Variants in SLA observed in about 807,000 individuals in gnomAD.
The protein encoded by SLA is Src like adaptor.
SLA carries 16 observed loss-of-function variants against 30.3 expected under a neutral mutation model. That is an observed-to-expected ratio of 0.53 (90% CI 0.36 to 0.80). The LOEUF (loss-of-function observed/expected upper bound fraction) is 0.80. Ranked by LOEUF, SLA falls within the 30% of genes least tolerant of loss-of-function variation. The pLI is 0.01. For synonymous variants in SLA, 143 were observed against 137.8 expected (o/e 1.04, Z -0.26); for missense variants, 310 against 345.2 (o/e 0.90, Z 0.81).
At chr8:133,098,083 T>G (rs1848701955) in intron 1 of SLA, among the ~76,000 whole-genome samples, 1 of 152,134 alleles carries the variant, frequency 6.6e-6, no homozygotes, top group Admixed American at 6.5e-5. Flanking sequence ...TGCCAAGCAC[T>G]CACATACAGC....
intron 7 of SLA, among the ~76,000 whole-genome samples, chr8:133,041,435 A>G (rs1010100868): frequency 6.6e-6 from 1 of 152,248 alleles, no homozygotes; most frequent in African/African-American, 2.4e-5. Flanking sequence ...CCACCCACAC[A>G]GGTGCCCTTG....
chr8:133,049,726 A>C, intron 5 of SLA, 176 bp downstream of exon 5: 13 of 604,230 alleles, frequency 2.2e-5, no homozygotes, highest in Middle Eastern at 3.2e-4. Flanking sequence ...AGAGAGCAGA[A>C]GAGATAAGTT....
intron 7 of SLA, among the ~76,000 whole-genome samples, chr8:133,041,208 C>T (rs1419469031): frequency 6.6e-6 from 1 of 152,242 alleles, no homozygotes. Context: ...CACCCCTGGC[C>T]TCAGAGCCAA....
At chr8:133,098,777 G>C (rs1463557867) in intron 1 of SLA, among the ~76,000 whole-genome samples, 1 of 152,134 alleles carries the variant, frequency 6.6e-6, no homozygotes, top group Non-Finnish European at 1.5e-5. Flanking sequence ...TGTTCTTGTT[G>C]GCAGATCTGG....
chr8:133,102,571 G>C lies in SLA; in HGVS notation c.-337C>G. On this transcript the variant is annotated 5_prime_UTR_variant, in exon 1 of 9. Coordinates refer to ENST00000338087, the MANE Select transcript of SLA (RefSeq NM_001045556.3). The stretch of plus-strand genomic sequence containing the variant: ...AACCTACCGGTGGAGCATCAGGGCT[G>C]CCTGAGATGTTCTCCATTCGCAGCA... The C allele has an allele frequency of 6.4e-7, 1 of 1,551,470 alleles. No individual in the cohort carries two copies. The highest frequency in any genetic ancestry group is 8.7e-7 in the Non-Finnish European group (1 of 1,146,768).
intron 1 of SLA, chr8:133,102,306 T>C (rs1849358566): frequency 2.3e-6 from 1 of 441,252 alleles, no homozygotes; most frequent in East Asian, 3.3e-5. Context: ...TGGATCCCAG[T>C]CCACAAACAC....
chr8:133,091,734 G>A (rs1847575867), intron 1 of SLA, among the ~76,000 whole-genome samples: 1 of 152,052 alleles, frequency 6.6e-6, no homozygotes, highest in South Asian at 2.1e-4. Flanking sequence ...GTGTCTATGT[G>A]TGTGGGTGTA....
At chr8:133,086,040 C>T (rs7845018) in intron 1 of SLA, among the ~76,000 whole-genome samples, 5,175 of 152,060 alleles carry the variant, frequency 0.034, 306 homozygotes, top group African/African-American at 0.12. Flanking sequence ...AATTTAGCAG[C>T]GAAAAGATAT....
chr8:133,061,680 C>T (rs1842388164), intron 2 of SLA, among the ~76,000 whole-genome samples: 1 of 152,192 alleles, frequency 6.6e-6, no homozygotes. Flanking sequence ...CAAATGGAAA[C>T]TAATCTCCCA....
chr8:133,092,968 G>C (rs1847799908), intron 1 of SLA, among the ~76,000 whole-genome samples: 1 of 152,124 alleles, frequency 6.6e-6, no homozygotes, highest in South Asian at 2.1e-4. Flanking sequence ...AGGATCCCTG[G>C]CTTTTTATAG....
intron 7 of SLA, 26 bp downstream of exon 7, chr8:133,044,958 A>G: frequency 3.1e-6 from 5 of 1,613,550 alleles, no homozygotes; most frequent in Non-Finnish European, 4.2e-6. Flanking sequence ...CACCATCACA[A>G]TCACTCCATA....
chr8:133,095,075 T>A lies in SLA; in HGVS notation c.-319+7478A>T, dbSNP rs145427634. On this transcript the variant is annotated intron_variant, in intron 1 of 8. Transcript: ENST00000338087. ...TCCGCACTCTCCCCGGCCGCCGTCA[T>A]CAGCCATGAGAGGGCTCAGCAGCAG... The A allele has an allele frequency of 5.5e-5, 89 of 1,613,980 alleles. 1 individual carries two copies. Among genetic ancestry groups the A allele is most frequent in the Admixed American group, 2.2e-4 (13 of 60,014 alleles).
At chr8:133,090,702 CA>C (rs1847362758) in intron 1 of SLA, among the ~76,000 whole-genome samples, 1 of 152,182 alleles carries the variant, frequency 6.6e-6, no homozygotes, top group Non-Finnish European at 1.5e-5. Flanking sequence ...TTAATCTGCA[CA>C]TCAGCTCTGT....
intron 2 of SLA, chr8:133,073,064 T>C (rs1216333647): frequency 1.3e-5 from 2 of 152,250 alleles, no homozygotes; most frequent in Non-Finnish European, 2.9e-5. Context: ...AGATAGTACA[T>C]GTAAACTTCT....
At chr8:133,065,321 AG>A (rs1842895469) in intron 2 of SLA, among the ~76,000 whole-genome samples, 2 of 152,250 alleles carry the variant, frequency 1.3e-5, no homozygotes, top group African/African-American at 4.8e-5. Flanking sequence ...TTATACTGCT[AG>A]GAAGAGCTAA....
chr8:133,085,136 G>A (rs1355670397), intron 1 of SLA, among the ~76,000 whole-genome samples: 1 of 152,178 alleles, frequency 6.6e-6, no homozygotes, highest in Non-Finnish European at 1.5e-5. Context: ...GACACAGCTG[G>A]TGAGTGATTT....
rs1273429962 is a variant in SLA, at chr8:133,040,068, G to A, written c.547C>T (p.Pro183Ser). ...TPCLTQSTAA[P>S]AVRASSSPVT... ...GGTGAGCTGGAGGCCCTCACTGCTG[G>A]GGCAGCCGTGCTTTGTGTCAGGCAG... Residue 183 changes from proline to serine, a missense_variant, in exon 8 of 9, where the codon CCA becomes TCA. Coordinates refer to ENST00000338087, the MANE Select transcript of SLA (RefSeq NM_001045556.3). 1 of 1,556,404 alleles carries A rather than the reference G, an allele frequency of 6.4e-7. No individual in the cohort carries two copies. Among genetic ancestry groups the A allele is most frequent in the African/African-American group, 1.4e-5 (1 of 73,574 alleles).
chr8:133,064,887 C>T (rs1377545359), intron 2 of SLA, among the ~76,000 whole-genome samples: 4 of 152,058 alleles, frequency 2.6e-5, no homozygotes, highest in Non-Finnish European at 2.9e-5. Context: ...GAGGGTAGCC[C>T]GAACCCCTTT....
At chr8:133,058,764 A>C (rs976467377) in intron 3 of SLA, among the ~76,000 whole-genome samples, 7 of 152,372 alleles carry the variant, frequency 4.6e-5, no homozygotes, top group Non-Finnish European at 1.0e-4. Flanking sequence ...TGCTGTCCTG[A>C]GAGCACATGC....
Sources: allele counts gnomAD v4.1 joint callset (sites outside exome capture counted in the v4.1 genomes callset), GRCh38; gene constraint gnomAD v4.1.1; transcripts MANE v1.5; gene names NCBI Gene and HGNC (gene_info 2026-07-23, HGNC 2026-07-21).